Variants in FREM2 observed in about 807,000 individuals in gnomAD.
The protein encoded by FREM2 is FRAS1 related extracellular matrix 2.
In FREM2, 119 loss-of-function variants were observed where a neutral mutation model predicts 219.9. The ratio of observed to expected loss-of-function variants is 0.54; its 90% CI spans 0.47 to 0.63. FREM2 has a LOEUF of 0.63. Ranked by LOEUF, FREM2 falls within the 30% of genes least tolerant of loss-of-function variation. The pLI, the probability that FREM2 is intolerant of heterozygous loss-of-function variation, is 0.00. For synonymous variants in FREM2, 1,562 were observed against 1,522.8 expected (o/e 1.03, Z -0.60); for missense variants, 4,030 against 3,993.6 (o/e 1.01, Z -0.25).
At chr13:38,878,014 T>C (rs1440742139) in intron 21 of FREM2, 120 bp from the exon 22 acceptor site, 14 of 865,928 alleles carry the variant, frequency 1.6e-5, no homozygotes, top group East Asian at 2.5e-5. Context: ...CAACATTTGA[T>C]AGTAGATGAG....
chr13:38,821,761 C>T (rs1046415726), intron 6 of FREM2: 12 of 152,088 alleles, frequency 7.9e-5, no homozygotes, highest in Admixed American at 7.2e-4. Context: ...GTCTCCAGGA[C>T]ATTAAGGACA....
At chr13:38,700,405 A>G (rs1327762705) in intron 2 of FREM2, among the ~76,000 whole-genome samples, 1 of 152,122 alleles carries the variant, frequency 6.6e-6, no homozygotes. Flanking sequence ...TATCTGAGCA[A>G]CAGATAACAT....
intron 2 of FREM2, among the ~76,000 whole-genome samples, chr13:38,759,999 T>A (rs777070485): frequency 1.1e-4 from 16 of 152,214 alleles, no homozygotes; most frequent in Non-Finnish European, 1.6e-4. Flanking sequence ...TCTATATCAC[T>A]CTTGCGTAAG....
At position 38,734,856 on chromosome 13, in the gene FREM2, C is replaced by T. The variant is rs367842513; in HGVS notation, c.5264-29448C>T. ...CTACCTCCCAGGTTTAACCGATTCT[C>T]CTGCCTCAACCTCCCATGTAGCTGG... On this transcript the variant is annotated intron_variant, in intron 2 of 23. Transcript: ENST00000280481. Among the ~76,000 whole-genome samples, 10 of 148,646 alleles carry T rather than the reference C, an allele frequency of 6.7e-5. 1 individual carries two copies. The highest frequency in any genetic ancestry group is 2.5e-4 in the African/African-American group (10 of 40,700).
intron 6 of FREM2, among the ~76,000 whole-genome samples, chr13:38,787,597 T>C (rs1229554059): frequency 6.6e-6 from 1 of 151,974 alleles, no homozygotes; most frequent in Non-Finnish European, 1.5e-5. Context: ...CCAGTAATGC[T>C]CTAAAAAGAA....
chr13:38,700,296 A>G (rs572649247), intron 2 of FREM2, among the ~76,000 whole-genome samples: 2 of 152,202 alleles, frequency 1.3e-5, no homozygotes, highest in African/African-American at 2.4e-5. Flanking sequence ...ATTAGTGACT[A>G]TCCATTACTA....
At chr13:38,858,142 C>A in intron 13 of FREM2, 109 bp downstream of exon 13, 1 of 975,560 alleles carries the variant, frequency 1.0e-6, no homozygotes, top group Non-Finnish European at 1.6e-6. Flanking sequence ...TAGAAAAATA[C>A]TACATGGTTT....
chr13:38,827,169 T>G (rs2137884038), intron 6 of FREM2, among the ~76,000 whole-genome samples: 1 of 152,266 alleles, frequency 6.6e-6, no homozygotes, highest in African/African-American at 2.4e-5. Flanking sequence ...TGAATCCTCC[T>G]TATACCACAT....
intron 1 of FREM2, among the ~76,000 whole-genome samples, chr13:38,694,618 T>C (rs771472727): frequency 2.6e-4 from 40 of 152,218 alleles, no homozygotes; most frequent in Non-Finnish European, 5.4e-4. Context: ...TTTCAATGCA[T>C]TGAATTAGGT....
At chr13:38,874,736 A>G in intron 18 of FREM2, 150 bp downstream of exon 18, 1 of 716,026 alleles carries the variant, frequency 1.4e-6, no homozygotes, top group Non-Finnish European at 2.5e-6. Flanking sequence ...TGAGAGCTTG[A>G]TAATTGTTCA....
chr13:38,687,750 G>T lies in FREM2; in HGVS notation c.406G>T (p.Val136Leu). 6.5e-7 allele frequency: 1 copy of T among 1,543,576 alleles called. No individual in the cohort carries two copies. The highest frequency in any genetic ancestry group is 8.8e-7 in the Non-Finnish European group (1 of 1,142,328). The change falls in exon 1 of 24, where the codon GTG (valine) becomes TTG (leucine). Residue 136 changes from valine to leucine, a missense_variant. This residue lies in a region of FREM2 where 3,102 missense variants were observed against 2,950.7 expected (regional missense o/e 1.05). Coordinates refer to ENST00000280481, the MANE Select transcript of FREM2 (RefSeq NM_207361.6). Reference sequence around the variant, plus strand: ...CCCGTGCGACTTTGGCCCTGGCGAGGTGCGCTACTCTCACCTGGGCGCGCG... The same window carrying T: ...CCCGTGCGACTTTGGCCCTGGCGAGTTGCGCTACTCTCACCTGGGCGCGCG... ...RFPCDFGPGEVRYSHLGARSP... is the reference protein window; with the variant it reads ...RFPCDFGPGELRYSHLGARSP...
chr13:38,767,180 A>C (rs1006061859), intron 3 of FREM2, among the ~76,000 whole-genome samples: 14 of 152,164 alleles, frequency 9.2e-5, no homozygotes, highest in South Asian at 4.1e-4. Context: ...CGATCCCACA[A>C]CTGTTATATG....
chr13:38,815,044 G>A (rs1369866532), intron 6 of FREM2, among the ~76,000 whole-genome samples: 1 of 152,130 alleles, frequency 6.6e-6, no homozygotes, highest in Admixed American at 6.6e-5. Flanking sequence ...CTAAGGGCCT[G>A]CTTGTTGTTC....
intron 2 of FREM2, among the ~76,000 whole-genome samples, chr13:38,744,967 G>A (rs1249908109): frequency 6.6e-6 from 1 of 152,190 alleles, no homozygotes; most frequent in East Asian, 1.9e-4. Context: ...TGACATAGAA[G>A]CTCACTGAAT....
chr13:38,701,119 C>T (rs1395641696), intron 2 of FREM2, among the ~76,000 whole-genome samples: 2 of 151,930 alleles, frequency 1.3e-5, no homozygotes, highest in African/African-American at 2.4e-5. Flanking sequence ...CCAATAGTTA[C>T]TTTCATAGTG....
At chr13:38,788,465 A>G (rs1345176905) in intron 6 of FREM2, among the ~76,000 whole-genome samples, 1 of 152,120 alleles carries the variant, frequency 6.6e-6, no homozygotes, top group Non-Finnish European at 1.5e-5. Flanking sequence ...TTACTGACTA[A>G]ATGATGATTT....
chr13:38,804,920 C>A (rs544801566), intron 6 of FREM2, among the ~76,000 whole-genome samples: 11 of 152,126 alleles, frequency 7.2e-5, no homozygotes, highest in South Asian at 2.1e-4. Context: ...CCAATAATTC[C>A]TGATCAAACA....
At chr13:38,764,974 G>T (rs1012376404) in intron 3 of FREM2, among the ~76,000 whole-genome samples, 3 of 152,188 alleles carry the variant, frequency 2.0e-5, no homozygotes, top group Non-Finnish European at 4.4e-5. Context: ...GCAGTGGCGT[G>T]ATCTCAGCTC....
At chr13:38,813,519 CT>C (rs1249287863) in intron 6 of FREM2, among the ~76,000 whole-genome samples, 3 of 5,722 alleles carry the variant, frequency 5.2e-4, no homozygotes, top group African/African-American at 9.6e-4. Context: ...TCTCTCTCTC[CT>C]CTCTCTCTCT....
Sources: gnomAD v4.1 joint callset for allele counts (sites outside exome capture counted in the v4.1 genomes callset) on GRCh38, gnomAD v4.1.1 for gene constraint, gnomAD v4.1.1 regional missense constraint, MANE v1.5 for transcripts, NCBI Gene and HGNC (gene_info 2026-07-23, HGNC 2026-07-21) for gene names.